ESCO2: variants seen among roughly 807,000 people sequenced by gnomAD.
The protein encoded by ESCO2 is N-acetyltransferase ESCO2.
Under a neutral mutation model 61.7 loss-of-function variants are expected in ESCO2, and 51 were observed. The observed-to-expected ratio is 0.83, with a 90% CI of 0.66 to 1.04. The LOEUF (loss-of-function observed/expected upper bound fraction) is 1.04, where lower values mean the gene tolerates loss of function less well. ESCO2 is among the 50% of genes least tolerant of loss of function. The pLI, the probability that ESCO2 is intolerant of heterozygous loss-of-function variation, is 0.00. For synonymous variants in ESCO2, 230 were observed against 238.2 expected, an observed-to-expected ratio of 0.97 and a Z score of 0.32; for missense variants, 692 against 686.2, an observed-to-expected ratio of 1.01 and a Z score of -0.09.
downstream of ESCO2, among the ~76,000 whole-genome samples, chr8:27,816,831 A>C (rs1275000920): frequency 6.6e-6 from 1 of 152,116 alleles, no homozygotes; most frequent in African/African-American, 2.4e-5. Flanking sequence ...ATTTATGCCT[A>C]TAAATATAAA....
At chr8:27,815,891 TGAC>T (rs1176748369), downstream of ESCO2, among the ~76,000 whole-genome samples, 1 of 152,240 alleles carries the variant, frequency 6.6e-6, no homozygotes, top group African/African-American at 2.4e-5. Context: ...TGGATTGTTC[TGAC>T]AACAAAAGTT....
rs186212388 is a variant in ESCO2 at position 27,781,341 on chromosome 8, T to C, written c.955+1074T>C. On this transcript the variant is annotated intron_variant, in intron 4 of 10. Transcript: ENST00000305188. The stretch of plus-strand genomic sequence containing the variant: ...TATTTTTCAATGCAAAGTTAAAGTT[T>C]GTTTTTTTAGCCCACTCTCAGCTTA... Among the ~76,000 whole-genome samples the C allele has an allele frequency of 3.3e-5, 5 of 152,202 alleles. No homozygotes were observed. In the East Asian group the frequency reaches 7.7e-4, roughly 23 times the overall value.
At chr8:27,819,544 C>T in the ESCO2 span, among the ~76,000 whole-genome samples, 6 of 152,008 alleles carry the variant, frequency 3.9e-5, no homozygotes, top group Non-Finnish European at 7.4e-5. Context: ...TCTAGATTTA[C>T]AGCATTGATG....
At chr8:27,797,512 C>CA (rs892106530) in intron 9 of ESCO2, among the ~76,000 whole-genome samples, 1 of 151,970 alleles carries the variant, frequency 6.6e-6, no homozygotes, top group Non-Finnish European at 1.5e-5. Flanking sequence ...TCCATTTAGC[C>CA]ACTCTGTGTG....
chr8:27,814,716 C>CA (rs1414241056), downstream of ESCO2, among the ~76,000 whole-genome samples: 4 of 152,100 alleles, frequency 2.6e-5, no homozygotes, highest in Non-Finnish European at 5.9e-5. Flanking sequence ...CTTAATTATT[C>CA]AAAACATTTT....
intron 5 of ESCO2, among the ~76,000 whole-genome samples, chr8:27,786,109 G>A (rs1169346377): frequency 6.6e-6 from 1 of 152,204 alleles, no homozygotes; most frequent in Non-Finnish European, 1.5e-5. Flanking sequence ...TTGAACAAGT[G>A]TTTTTTCATA....
chr8:27,808,231 G>A, downstream of ESCO2: 1 of 1,242,456 alleles, frequency 8.0e-7, no homozygotes, highest in Non-Finnish European at 1.0e-6. Context: ...AGACATGAAA[G>A]AATCATCTTC....
At chr8:27,788,195 T>G (rs1805091476) in intron 6 of ESCO2, among the ~76,000 whole-genome samples, 193 bp downstream of exon 6, 1 of 152,200 alleles carries the variant, frequency 6.6e-6, no homozygotes, top group Non-Finnish European at 1.5e-5. Context: ...CTCTATTTTT[T>G]GTCAACTCTT....
upstream of ESCO2, among the ~76,000 whole-genome samples, chr8:27,774,213 T>A (rs1804724493): frequency 1.3e-5 from 2 of 152,146 alleles, no homozygotes; most frequent in South Asian, 4.1e-4. Flanking sequence ...AGTCTTGCTC[T>A]GTCGCCAGGC....
chr8:27,796,530 T>A (rs1805301624), intron 9 of ESCO2, among the ~76,000 whole-genome samples: 1 of 152,208 alleles, frequency 6.6e-6, no homozygotes, highest in Non-Finnish European at 1.5e-5. Flanking sequence ...TTTTTTTATG[T>A]AGAACTGCTT....
intron 6 of ESCO2, among the ~76,000 whole-genome samples, chr8:27,788,479 T>C (rs1805098502): frequency 6.6e-6 from 1 of 152,134 alleles, no homozygotes. Flanking sequence ...TCCATTCAAA[T>C]AATTCCCTTT....
chr8:27,809,781 C>G (rs1805632117), downstream of ESCO2: 1 of 152,104 alleles, frequency 6.6e-6, no homozygotes, highest in Non-Finnish European at 1.5e-5. Flanking sequence ...TGAGGAGATC[C>G]AAGAGATCAA....
In ESCO2 at chr8:27,799,707, A is replaced by T; in HGVS notation, c.1664A>T (p.Asp555Val). The change falls in exon 10 of 11, where the codon GAT becomes GTT. Residue 555 changes from aspartate to valine, a missense_variant. Physicochemically the swap from Asp to Val is radical, Grantham distance 152. Coordinates refer to ENST00000305188, the MANE Select transcript of ESCO2 (RefSeq NM_001017420.3). ...RRKRIARRLV[D>V]TLRNCFMFGC... is the part of the protein sequence containing the mutation. ...AAGCGCATTGCAAGACGACTGGTTG[A>T]TACCCTCAGGTAAGAAATAAAATGG... The T allele has an allele frequency of 1.2e-6, 2 of 1,613,988 alleles. No homozygotes were observed. The highest frequency in any genetic ancestry group is 8.5e-7 in the Non-Finnish European group (1 of 1,179,998).
At chr8:27,811,363 C>G, downstream of ESCO2, 1 of 591,466 alleles carries the variant, frequency 1.7e-6, no homozygotes, top group South Asian at 2.0e-5. Context: ...CAGCAATTCT[C>G]TTACAAATTA....
At position 27,804,407 on chromosome 8, in the gene ESCO2, A is replaced by T. The variant is rs1805518417; in HGVS notation, c.*969A>T. Reference sequence around the variant, plus strand: ...TTTTTGCTTGTTTAAAATGCACCTTACTTGTTCTGAGATACCTGGCAAAAG... The same window carrying T: ...TTTTTGCTTGTTTAAAATGCACCTTTCTTGTTCTGAGATACCTGGCAAAAG... On this transcript the variant is annotated 3_prime_UTR_variant, in exon 11 of 11. Transcript: ENST00000305188. 1 of 985,232 alleles carries T rather than the reference A, an allele frequency of 1.0e-6. No homozygotes were observed. The highest frequency in any genetic ancestry group is 1.7e-5 in the African/African-American group (1 of 57,226). 61.0% of individuals were successfully genotyped at this position (985,232 alleles called of 1,614,324 possible). A position where few individuals can be genotyped will look rare whatever the true frequency, so the allele number is the denominator to read the frequency against.
chr8:27,799,324 C>T (rs1025396128), intron 9 of ESCO2, among the ~76,000 whole-genome samples: 12 of 151,944 alleles, frequency 7.9e-5, no homozygotes, highest in African/African-American at 2.9e-4. Context: ...TCTCGTAATG[C>T]TATGGGACAC....
intron 7 of ESCO2, 73 bp from the exon 8 acceptor site, chr8:27,791,890 A>G: frequency 1.5e-6 from 2 of 1,313,052 alleles, no homozygotes; most frequent in Non-Finnish European, 2.2e-6. Context: ...TCTTCTCCAC[A>G]TCAAATTATT....
At chr8:27,775,337 C>G (rs564197479) in intron 1 of ESCO2, among the ~76,000 whole-genome samples, 162 bp from the exon 2 acceptor site, 1 of 152,134 alleles carries the variant, frequency 6.6e-6, no homozygotes, top group East Asian at 1.9e-4. Context: ...GCAGAACAAG[C>G]GCGTGTAACC....
chr8:27,818,935 A>C, the ESCO2 span, among the ~76,000 whole-genome samples: 2,688 of 152,288 alleles, frequency 0.018, 64 homozygotes, highest in African/African-American at 0.054. Context: ...TTTTTCTAAA[A>C]TGTCCAGATA....
Sources: gnomAD v4.1 joint callset for allele counts (sites outside exome capture counted in the v4.1 genomes callset) on GRCh38, gnomAD v4.1.1 for gene constraint, MANE v1.5 for transcripts, NCBI Gene and HGNC (gene_info 2026-07-23, HGNC 2026-07-21) for gene names.